Variants in COBL observed in about 807,000 individuals in gnomAD.
COBL encodes the protein cordon-bleu WH2 repeat protein.
Under a neutral mutation model 98.8 loss-of-function variants are expected in COBL, and 51 were observed. That is an observed-to-expected ratio of 0.52 (90% confidence interval 0.41 to 0.65). COBL has a LOEUF of 0.65. COBL is among the 30% of genes least tolerant of loss of function. The pLI is 0.00. For missense variants in COBL, 1,617 were observed against 1,617.5 expected, an observed-to-expected ratio of 1.00 and a Z score of 0.01; for synonymous variants, 634 against 651.7, an observed-to-expected ratio of 0.97 and a Z score of 0.41.
At chr7:51,109,401 T>A (rs1173218537) in intron 6 of COBL, among the ~76,000 whole-genome samples, 1 of 152,180 alleles carries the variant, frequency 6.6e-6, no homozygotes, top group Non-Finnish European at 1.5e-5. Context: ...CCCTTCTGGA[T>A]AATCTTTAAA....
At chr7:51,270,916 A>C (rs1186205481) in intron 1 of COBL, among the ~76,000 whole-genome samples, 1 of 152,190 alleles carries the variant, frequency 6.6e-6, no homozygotes, top group Non-Finnish European at 1.5e-5. Flanking sequence ...CTGACATATT[A>C]ACTTATTTTT....
At chr7:51,180,911 A>G (rs1405232472) in intron 5 of COBL, among the ~76,000 whole-genome samples, 1 of 152,234 alleles carries the variant, frequency 6.6e-6, no homozygotes, top group Non-Finnish European at 1.5e-5. Context: ...TACTGTTCAG[A>G]TTATTAATAC....
chr7:51,258,147 A>G (rs555112643), intron 1 of COBL, among the ~76,000 whole-genome samples: 2 of 152,368 alleles, frequency 1.3e-5, no homozygotes, highest in East Asian at 3.9e-4. Flanking sequence ...TACCCTAAAT[A>G]AATTAAAAGA....
chr7:51,127,745 T>C (rs1798357304), intron 6 of COBL, among the ~76,000 whole-genome samples: 1 of 152,102 alleles, frequency 6.6e-6, no homozygotes, highest in South Asian at 2.1e-4. Context: ...TGGGGGTGTT[T>C]TACTTAAGAG....
chr7:51,202,553 G>A (rs1791232797), intron 2 of COBL, among the ~76,000 whole-genome samples: 1 of 152,164 alleles, frequency 6.6e-6, no homozygotes, highest in Admixed American at 6.6e-5. Flanking sequence ...ATCCCCCACA[G>A]AAAGGGAGGA....
chr7:51,031,731 C>T (rs1788167526), intron 8 of COBL: 1 of 152,242 alleles, frequency 6.6e-6, no homozygotes, highest in Non-Finnish European at 1.5e-5. Context: ...TAATTCCTAC[C>T]CTTGGTGGGT....
chr7:51,130,363 C>T (rs1798626803), intron 6 of COBL, among the ~76,000 whole-genome samples: 1 of 152,132 alleles, frequency 6.6e-6, no homozygotes, highest in African/African-American at 2.4e-5. Flanking sequence ...TCAATGTCTC[C>T]AAGCATCATC....
intron 7 of COBL, among the ~76,000 whole-genome samples, chr7:51,073,594 G>A (rs2128925873): frequency 6.6e-6 from 1 of 152,230 alleles, no homozygotes; most frequent in African/African-American, 2.4e-5. Context: ...CAACAGATAT[G>A]ATTCTGCCTC....
At chr7:51,223,816 A>G (rs921218734) in intron 1 of COBL, among the ~76,000 whole-genome samples, 1 of 152,214 alleles carries the variant, frequency 6.6e-6, no homozygotes, top group African/African-American at 2.4e-5. Flanking sequence ...AGGTCCTATC[A>G]TGGACCAATT....
At chr7:51,105,624 A>G (rs1158281456) in intron 6 of COBL, among the ~76,000 whole-genome samples, 1 of 152,036 alleles carries the variant, frequency 6.6e-6, no homozygotes, top group Non-Finnish European at 1.5e-5. Flanking sequence ...GGTGACATGC[A>G]CCTGTGGTCC....
At chr7:51,060,484 AAC>A in intron 7 of COBL, among the ~76,000 whole-genome samples, 1 of 152,260 alleles carries the variant, frequency 6.6e-6, no homozygotes, top group Middle Eastern at 3.4e-3. Flanking sequence ...GGTTTGATAG[AAC>A]AGTAGAGTGG....
In COBL at chr7:51,029,056, G is replaced by A. The variant is rs543497001; in HGVS notation, c.2040C>T (p.Asn680=). The A allele has an allele frequency of 1.9e-5, 31 of 1,614,180 alleles. No homozygotes were observed. Among genetic ancestry groups the A allele is most frequent in the Middle Eastern group, 1.6e-4 (1 of 6,062 alleles). The change falls in exon 10 of 13, where the codon AAC becomes AAT. Residue 680 remains asparagine, a synonymous_variant. Transcript: ENST00000265136. ...PVNEKDSNDK[N]AALAPTSWHQ... is the part of the protein sequence containing the mutation. ...GCCATGATGTTGGTGCCAAGGCAGC[G>A]TTTTTATCGTTGCTGTCCTTTTCAT... is the stretch of plus-strand genomic sequence containing the variant.
Position 51,124,824 on chromosome 7 carries a change from A to C in COBL, c.957+11334T>G, listed in dbSNP as rs28709411. On this transcript the variant is annotated intron_variant, in intron 6 of 12. Coordinates refer to ENST00000265136, the MANE Select transcript of COBL (RefSeq NM_015198.5). ...ATTTTTTTTCTTTCTTTCTTTCTTTATTTTTGTTTTTTCTTTGACAGAGTC... is the reference window on the plus strand; with the variant it reads ...ATTTTTTTTCTTTCTTTCTTTCTTTCTTTTTGTTTTTTCTTTGACAGAGTC... 7.8e-3 allele frequency among the ~76,000 whole-genome samples: 1,169 copies of C among 149,310 alleles called. 9 individuals are homozygous for C. The highest frequency in any genetic ancestry group is 0.028 in the African/African-American group (1,117 of 40,514).
intron 7 of COBL, among the ~76,000 whole-genome samples, chr7:51,078,372 C>G (rs188750771): frequency 6.6e-6 from 1 of 152,100 alleles, no homozygotes; most frequent in Non-Finnish European, 1.5e-5. Context: ...TTGCTCCCAG[C>G]CTTAGGGGGA....
chr7:51,018,626 C>A (rs1475064761), intron 12 of COBL, among the ~76,000 whole-genome samples: 1 of 151,768 alleles, frequency 6.6e-6, no homozygotes, highest in Non-Finnish European at 1.5e-5. Flanking sequence ...GGCATAGTGG[C>A]TCACACCTGA....
chr7:51,260,625 G>C (rs1446251985), intron 1 of COBL, among the ~76,000 whole-genome samples: 1 of 152,212 alleles, frequency 6.6e-6, no homozygotes, highest in Non-Finnish European at 1.5e-5. Context: ...CCAAGGCACT[G>C]GTTGAGCTAT....
intron 1 of COBL, among the ~76,000 whole-genome samples, chr7:51,276,465 G>A (rs1027760626): frequency 1.3e-5 from 2 of 152,220 alleles, no homozygotes; most frequent in Non-Finnish European, 2.9e-5. Flanking sequence ...GGCCTTGCCT[G>A]CCACAAGCCC....
intron 7 of COBL, chr7:51,072,689 C>T (rs530824919): frequency 1.3e-5 from 2 of 152,248 alleles, no homozygotes; most frequent in South Asian, 4.2e-4. Context: ...ATGAAGAGAA[C>T]AGAATAATGA....
intron 5 of COBL, among the ~76,000 whole-genome samples, chr7:51,144,219 G>A (rs957916233): frequency 6.6e-6 from 1 of 152,182 alleles, no homozygotes; most frequent in Non-Finnish European, 1.5e-5. Context: ...ATAGATTCGT[G>A]TGCAGACATG....
Sources: gnomAD v4.1 joint callset for allele counts (sites outside exome capture counted in the v4.1 genomes callset) on GRCh38, gnomAD v4.1.1 for gene constraint, MANE v1.5 for transcripts, NCBI Gene and HGNC (gene_info 2026-07-23, HGNC 2026-07-21) for gene names.